Variants in RANBP2 observed in about 807,000 individuals in gnomAD.
The protein encoded by RANBP2 is E3 SUMO-protein ligase RanBP2.
RANBP2 carries 57 observed loss-of-function variants against 303.6 expected under a neutral mutation model. The observed-to-expected ratio is 0.19, with a 90% CI of 0.15 to 0.23. The LOEUF (loss-of-function observed/expected upper bound fraction) is 0.23. RANBP2 is among the 10% of genes least tolerant of loss of function. The probability of loss-of-function intolerance (pLI) is 1.00; values close to 1 mark genes in which losing one functional copy is unlikely to be tolerated. For missense variants in RANBP2, 3,138 were observed against 3,780.8 expected (o/e 0.83, Z 4.46); for synonymous variants, 1,167 against 1,301.5 (o/e 0.90, Z 2.23).
chr2:109,726,441 G>A, the RANBP2 span, among the ~76,000 whole-genome samples: 10 of 151,734 alleles, frequency 6.6e-5, no homozygotes, highest in African/African-American at 2.2e-4. Context: ...AAAAACAAAC[G>A]AACAAACAAA....
the RANBP2 span, among the ~76,000 whole-genome samples, chr2:109,675,464 C>G: frequency 6.6e-6 from 1 of 152,034 alleles, no homozygotes; most frequent in Non-Finnish European, 1.5e-5. Context: ...AGTGGATGGT[C>G]TGAGGTCAGG....
At chr2:109,323,371 T>G in the RANBP2 span, among the ~76,000 whole-genome samples, 1 of 152,214 alleles carries the variant, frequency 6.6e-6, no homozygotes, top group Non-Finnish European at 1.5e-5. Context: ...AGGATCCACA[T>G]ATTCACCACA....
chr2:108,934,293 C>T, the RANBP2 span, among the ~76,000 whole-genome samples: 1 of 152,144 alleles, frequency 6.6e-6, no homozygotes, highest in Non-Finnish European at 1.5e-5. Context: ...ACTTCTCAGA[C>T]TGCAGATACA....
the RANBP2 span, among the ~76,000 whole-genome samples, chr2:109,696,084 C>G: frequency 6.6e-6 from 1 of 152,052 alleles, no homozygotes; most frequent in African/African-American, 2.4e-5. Context: ...CTGCCTCAGC[C>G]TCCCAAGTAG....
chr2:109,734,178 C>CA, the RANBP2 span, among the ~76,000 whole-genome samples: 104,379 of 135,306 alleles, frequency 0.77, 41,991 homozygotes, highest in East Asian at 0.97. Flanking sequence ...GACTCCACCT[C>CA]AAAAAAAAAA....
chr2:108,809,599 C>G, the RANBP2 span, among the ~76,000 whole-genome samples: 1 of 151,928 alleles, frequency 6.6e-6, no homozygotes, highest in Non-Finnish European at 1.5e-5. Flanking sequence ...CCATTGTAAA[C>G]AGGATAGATT....
In RANBP2 at chr2:108,734,872, A is replaced by G. The variant is rs1011196575; in HGVS notation, c.406-660A>G. On this transcript the variant is annotated intron_variant, in intron 4 of 28. Transcript: ENST00000283195. The stretch of plus-strand genomic sequence containing the variant: ...ACTGAGTAGTCAGCCTGGGCAACAC[A>G]GCAAGACCCCATCTCTACAGAACGT... Among the ~76,000 whole-genome samples the G allele has an allele frequency of 3.2e-4, 48 of 152,216 alleles. 2 individuals are homozygous for G. Among genetic ancestry groups the G allele is most frequent in the African/African-American group, 9.4e-4 (39 of 41,542 alleles).
At chr2:108,931,083 G>A in the RANBP2 span, 8 of 1,513,592 alleles carry the variant, frequency 5.3e-6, no homozygotes, top group African/African-American at 6.9e-5. Flanking sequence ...CCCCAGCCGG[G>A]GGTCTGGCTA....
chr2:109,368,004 A>C, the RANBP2 span, among the ~76,000 whole-genome samples: 1 of 152,268 alleles, frequency 6.6e-6, no homozygotes, highest in African/African-American at 2.4e-5. Context: ...GCAAAGGAAC[A>C]AAAGGGGAAT....
the RANBP2 span, chr2:108,897,046 G>A: frequency 3.1e-6 from 5 of 1,614,174 alleles, no homozygotes; most frequent in South Asian, 2.2e-5. Context: ...GTAGCCTGCC[G>A]TGCTGATGCG....
the RANBP2 span, among the ~76,000 whole-genome samples, chr2:109,204,832 A>G: frequency 8.9e-3 from 1,352 of 152,134 alleles, 19 homozygotes; most frequent in African/African-American, 0.031. Flanking sequence ...GATTCCCTGT[A>G]TTTTCTGTAG....
At chr2:108,763,132 TCTTCA>T (rs2149270189) in intron 19 of RANBP2, 100 bp from the exon 20 acceptor site, 1 of 1,280,362 alleles carries the variant, frequency 7.8e-7, no homozygotes, top group South Asian at 1.3e-5. Flanking sequence ...AATGAGATCT[TCTTCA>T]CTTCATATTC....
At chr2:109,483,859 C>T in the RANBP2 span, among the ~76,000 whole-genome samples, 1 of 152,264 alleles carries the variant, frequency 6.6e-6, no homozygotes, top group African/African-American at 2.4e-5. Flanking sequence ...CCACCATCCC[C>T]TGCTTAGCTG....
At chr2:109,035,848 A>G in the RANBP2 span, among the ~76,000 whole-genome samples, 1 of 152,220 alleles carries the variant, frequency 6.6e-6, no homozygotes, top group African/African-American at 2.4e-5. Context: ...TCTTAACATC[A>G]TAAACACCCA....
chr2:109,317,172 G>T, the RANBP2 span, among the ~76,000 whole-genome samples: 1 of 114,820 alleles, frequency 8.7e-6, no homozygotes, highest in African/African-American at 4.3e-5. Context: ...AATGTTTTGT[G>T]GATGTAAGTT....
the RANBP2 span, among the ~76,000 whole-genome samples, chr2:109,033,016 C>G: frequency 1.3e-5 from 2 of 152,154 alleles, no homozygotes; most frequent in African/African-American, 4.8e-5. Flanking sequence ...GGAAGCTGAA[C>G]GTTGTGGACA....
the RANBP2 span, among the ~76,000 whole-genome samples, chr2:108,997,753 T>A: frequency 6.6e-6 from 1 of 152,004 alleles, no homozygotes; most frequent in African/African-American, 2.4e-5. Context: ...TAGCCGGGCA[T>A]GGTGGCAGGC....
At chr2:109,405,199 C>T in the RANBP2 span, among the ~76,000 whole-genome samples, 33 of 152,246 alleles carry the variant, frequency 2.2e-4, 1 homozygote, top group Middle Eastern at 0.027. Flanking sequence ...CCTGGAGAGA[C>T]GCCTCAACTT....
the RANBP2 span, among the ~76,000 whole-genome samples, chr2:109,345,763 T>C: frequency 2.0e-5 from 3 of 152,222 alleles, no homozygotes; most frequent in Admixed American, 6.5e-5. Flanking sequence ...TTACTCTGTC[T>C]TTTTTGTAAA....
Sources: gnomAD v4.1 joint callset for allele counts (sites outside exome capture counted in the v4.1 genomes callset) on GRCh38, gnomAD v4.1.1 for gene constraint, MANE v1.5 for transcripts, NCBI Gene and HGNC (gene_info 2026-07-23, HGNC 2026-07-21) for gene names.